TNFRSF19: variants seen among roughly 807,000 people sequenced by gnomAD.
The protein encoded by TNFRSF19 is TNF receptor superfamily member 19, also known as tumor necrosis factor receptor superfamily member 19.
TNFRSF19 carries 27 observed loss-of-function variants against 46.4 expected under a neutral mutation model. The ratio of observed to expected loss-of-function variants is 0.58; its 90% CI spans 0.43 to 0.80. TNFRSF19 has a LOEUF of 0.80. TNFRSF19 is among the 30% of genes least tolerant of loss of function. TNFRSF19 has a pLI of 0.00. For synonymous variants in TNFRSF19, 204 were observed against 205.0 expected, an observed-to-expected ratio of 1.00 and a Z score of 0.04; for missense variants, 511 against 530.8, an observed-to-expected ratio of 0.96 and a Z score of 0.37.
At chr13:23,666,508 C>T (rs190713343) in intron 7 of TNFRSF19, among the ~76,000 whole-genome samples, 2 of 152,302 alleles carry the variant, frequency 1.3e-5, no homozygotes, top group South Asian at 2.1e-4. Flanking sequence ...TTCTGATGCT[C>T]ATGTTGCCTT....
intron 5 of TNFRSF19, among the ~76,000 whole-genome samples, chr13:23,637,425 C>T (rs1344338878): frequency 3.3e-5 from 5 of 152,154 alleles, no homozygotes; most frequent in South Asian, 2.1e-4. Flanking sequence ...GCAGTAATGC[C>T]GGGGCTGAGT....
intron 9 of TNFRSF19, among the ~76,000 whole-genome samples, chr13:23,671,780 G>T (rs780093412): frequency 6.6e-6 from 1 of 152,232 alleles, no homozygotes; most frequent in Non-Finnish European, 1.5e-5. Context: ...GAGCCCAGGA[G>T]TTTGAGGCTT....
intron 1 of TNFRSF19, among the ~76,000 whole-genome samples, chr13:23,576,100 A>G (rs1402684990): frequency 6.6e-6 from 1 of 151,424 alleles, no homozygotes; most frequent in African/African-American, 2.4e-5. Flanking sequence ...ACAAGCATCC[A>G]GTTTCATTTT....
chr13:23,582,333 G>A (rs918670746), intron 1 of TNFRSF19, among the ~76,000 whole-genome samples: 2 of 151,826 alleles, frequency 1.3e-5, no homozygotes, highest in East Asian at 1.9e-4. Flanking sequence ...CCCGGGAGGC[G>A]GAGCTTGCAG....
chr13:23,653,402 C>T (rs1433886684), intron 5 of TNFRSF19, among the ~76,000 whole-genome samples: 1 of 152,154 alleles, frequency 6.6e-6, no homozygotes, highest in Admixed American at 6.5e-5. Flanking sequence ...GACAGTGAAC[C>T]AAACAAGTAA....
chr13:23,606,351 A>AT (rs765752063), intron 3 of TNFRSF19, among the ~76,000 whole-genome samples: 21 of 66,684 alleles, frequency 3.1e-4, no homozygotes, highest in South Asian at 1.2e-3. Flanking sequence ...CCATATTTAT[A>AT]ATTTTTTTAA....
chr13:23,663,329 A>G (rs1364165898), intron 7 of TNFRSF19, among the ~76,000 whole-genome samples: 3 of 152,216 alleles, frequency 2.0e-5, no homozygotes, highest in South Asian at 2.1e-4. Context: ...ATTGATGTCT[A>G]TATGTTGAAC....
chr13:23,597,660 C>T (rs1475595204), intron 3 of TNFRSF19, among the ~76,000 whole-genome samples: 1 of 152,108 alleles, frequency 6.6e-6, no homozygotes, highest in East Asian at 1.9e-4. Flanking sequence ...CCGAATTCTA[C>T]CAGAGGTACA....
intron 3 of TNFRSF19, among the ~76,000 whole-genome samples, chr13:23,609,233 G>C (rs975194789): frequency 2.0e-5 from 3 of 152,178 alleles, no homozygotes; most frequent in Non-Finnish European, 4.4e-5. Context: ...GTATGAGAAA[G>C]ATAATTCAGA....
rs540788749 is a variant in TNFRSF19 at position 23,586,663 on chromosome 13, G to C, written c.-34-3487G>C. 5.0e-4 allele frequency among the ~76,000 whole-genome samples: 76 copies of C among 152,346 alleles called. 1 individual carries two copies. In the South Asian group the frequency reaches 0.011, roughly 22 times the overall value. ...TATAACACCTATTGGATTTATCTTA[G>C]TTAGAGGGAGGCCAATTAGGACACA... is the stretch of plus-strand genomic sequence containing the variant. On this transcript the variant is annotated intron_variant, in intron 1 of 9. Coordinates refer to ENST00000248484, the MANE Select transcript of TNFRSF19 (RefSeq NM_148957.4).
At chr13:23,616,104 A>G in intron 4 of TNFRSF19, 59 bp downstream of exon 4, 1 of 1,516,058 alleles carries the variant, frequency 6.6e-7, no homozygotes, top group Non-Finnish European at 8.9e-7. Flanking sequence ...TTAAAAAGGC[A>G]ATTCCCTTGT....
At position 23,675,787 on chromosome 13, in the gene TNFRSF19, A is replaced by C. The variant is rs1333432613; in HGVS notation, c.*2407A>C. 6.6e-6 allele frequency: 1 copy of C among 152,196 alleles called. No homozygotes were observed. Among genetic ancestry groups the C allele is most frequent in the Non-Finnish European group, 1.5e-5 (1 of 68,042 alleles). 9.4% of individuals were successfully genotyped at this position (152,196 alleles called of 1,614,324 possible). A position where few individuals can be genotyped will look rare whatever the true frequency, so the allele number is the denominator to read the frequency against. ...CAGAAGCTCGTTGACAAGACTGAGG[A>C]GGATTTCAAGAGCAACCAAGTAAAG... On this transcript the variant is annotated 3_prime_UTR_variant, in exon 10 of 10. Coordinates refer to ENST00000248484, the MANE Select transcript of TNFRSF19 (RefSeq NM_148957.4).
chr13:23,610,650 T>C (rs1312886880), intron 3 of TNFRSF19, among the ~76,000 whole-genome samples: 2 of 152,058 alleles, frequency 1.3e-5, no homozygotes, highest in African/African-American at 2.4e-5. Flanking sequence ...CCTTAAACAA[T>C]ATTTGTTCAT....
chr13:23,606,359 TA>T (rs10710338), intron 3 of TNFRSF19, among the ~76,000 whole-genome samples: 66,452 of 151,344 alleles, frequency 0.44, 15,450 homozygotes, highest in African/African-American at 0.59. Context: ...ATAATTTTTT[TA>T]AAAAAAAAGA....
chr13:23,574,616 T>C lies in TNFRSF19; in HGVS notation c.-35+3768T>C, dbSNP rs60951454. ...GTGAACTGAACTCAACCATCTGGCA[T>C]TGGTTTAGTCGGATTCTCTTTCTGT... On this transcript the variant is annotated intron_variant, in intron 1 of 9. Coordinates refer to ENST00000248484, the MANE Select transcript of TNFRSF19 (RefSeq NM_148957.4). Among the ~76,000 whole-genome samples, 15 of 152,260 alleles carry C rather than the reference T, an allele frequency of 9.9e-5. No individual in the cohort carries two copies. The East Asian group carries it at 2.3e-3, about 23-fold the overall frequency.
chr13:23,578,414 A>G (rs1469376007), intron 1 of TNFRSF19, among the ~76,000 whole-genome samples: 1 of 152,236 alleles, frequency 6.6e-6, no homozygotes, highest in African/African-American at 2.4e-5. Flanking sequence ...TACCTAGTAT[A>G]GTGCTACGCC....
At chr13:23,622,231 G>A (rs748452932) in intron 4 of TNFRSF19, among the ~76,000 whole-genome samples, 4 of 151,124 alleles carry the variant, frequency 2.6e-5, no homozygotes, top group Admixed American at 1.3e-4. Context: ...GTGAAACCCC[G>A]TCTCTACTAA....
intron 3 of TNFRSF19, among the ~76,000 whole-genome samples, chr13:23,600,623 C>T (rs988551126): frequency 2.0e-5 from 3 of 152,130 alleles, no homozygotes; most frequent in Non-Finnish European, 4.4e-5. Flanking sequence ...CAAGGACTGC[C>T]CTCAAGAGAA....
At chr13:23,668,436 G>A (rs1323039466) in intron 8 of TNFRSF19, among the ~76,000 whole-genome samples, 2 of 152,170 alleles carry the variant, frequency 1.3e-5, no homozygotes, top group East Asian at 3.8e-4. Flanking sequence ...TGAGACCCAG[G>A]AAACTGCATG....
Sources: allele counts gnomAD v4.1 joint callset (sites outside exome capture counted in the v4.1 genomes callset), GRCh38; gene constraint gnomAD v4.1.1; transcripts MANE v1.5; gene names NCBI Gene and HGNC (gene_info 2026-07-23, HGNC 2026-07-21).